Variants in ZMYM2 observed in about 807,000 individuals in gnomAD.
ZMYM2 encodes zinc finger MYM-type containing 2.
Under a neutral mutation model 162.8 loss-of-function variants are expected in ZMYM2, and 56 were observed. The observed-to-expected ratio is 0.34, with a 90% CI of 0.28 to 0.43. ZMYM2 has a LOEUF of 0.43. Ranked by LOEUF, ZMYM2 falls within the 20% of genes least tolerant of loss-of-function variation. The pLI, the probability that ZMYM2 is intolerant of heterozygous loss-of-function variation, is 1.00. For synonymous variants in ZMYM2, 510 were observed against 541.6 expected (o/e 0.94, Z 0.81); for missense variants, 1,275 against 1,621.8 (o/e 0.79, Z 3.67).
the ZMYM2 span, among the ~76,000 whole-genome samples, chr13:19,911,911 C>A: frequency 1.3e-5 from 2 of 152,194 alleles, no homozygotes; most frequent in Non-Finnish European, 2.9e-5. Flanking sequence ...GGATTAATAT[C>A]ACTGTCGAGA....
At chr13:19,980,842 C>A (rs1212873931) in intron 2 of ZMYM2, among the ~76,000 whole-genome samples, 1 of 141,664 alleles carries the variant, frequency 7.1e-6, no homozygotes, top group African/African-American at 2.6e-5. Flanking sequence ...ATTAAAAATT[C>A]TGTTAGTATT....
chr13:19,941,413 T>TG, the ZMYM2 span, among the ~76,000 whole-genome samples: 1 of 152,054 alleles, frequency 6.6e-6, no homozygotes, highest in African/African-American at 2.4e-5. Flanking sequence ...ATTCATTAAT[T>TG]GGGCAACACC....
the ZMYM2 span, among the ~76,000 whole-genome samples, chr13:19,952,038 C>T: frequency 2.6e-4 from 39 of 152,098 alleles, no homozygotes; most frequent in African/African-American, 8.2e-4. Context: ...ATATACACAA[C>T]GGAATATTAT....
At chr13:19,909,586 C>T in the ZMYM2 span, among the ~76,000 whole-genome samples, 3 of 151,972 alleles carry the variant, frequency 2.0e-5, no homozygotes, top group Non-Finnish European at 4.4e-5. Flanking sequence ...GCACGTGACA[C>T]CACACCTGGC....
At chr13:19,989,967 A>C (rs1949476632) in intron 2 of ZMYM2, among the ~76,000 whole-genome samples, 1 of 151,772 alleles carries the variant, frequency 6.6e-6, no homozygotes, top group Non-Finnish European at 1.5e-5. Context: ...TTTTTCAGCC[A>C]CTGTCATCTC....
intron 21 of ZMYM2, among the ~76,000 whole-genome samples, chr13:20,076,145 T>C (rs1225784289): frequency 6.6e-6 from 1 of 150,560 alleles, no homozygotes; most frequent in Non-Finnish European, 1.5e-5. Context: ...CTTCATCTAC[T>C]TCCCAGTAAA....
intron 7 of ZMYM2, chr13:20,026,307 T>G (rs1952574701): frequency 5.0e-6 from 1 of 199,802 alleles, no homozygotes; most frequent in African/African-American, 2.3e-5. Context: ...CAAAAAGCAC[T>G]GTGCCTTTCC....
At chr13:20,026,483 A>G in intron 7 of ZMYM2, 129 bp from the exon 8 acceptor site, 1 of 847,980 alleles carries the variant, frequency 1.2e-6, no homozygotes. Flanking sequence ...ATGAAGACTC[A>G]TGACTCTAAA....
At chr13:20,026,549 T>G in intron 7 of ZMYM2, 63 bp from the exon 8 acceptor site, 1 of 1,487,646 alleles carries the variant, frequency 6.7e-7, no homozygotes, top group Non-Finnish European at 9.0e-7. Flanking sequence ...AATGAAAAAT[T>G]GGTAATTCTT....
At chr13:20,006,710 G>C (rs148338518) in intron 6 of ZMYM2, 124 bp downstream of exon 6, 7 of 1,019,712 alleles carry the variant, frequency 6.9e-6, no homozygotes, top group East Asian at 5.2e-5. Flanking sequence ...TTCCATTATT[G>C]TTGTCATATC....
At chr13:19,986,467 C>A (rs1394260002) in intron 2 of ZMYM2, among the ~76,000 whole-genome samples, 1 of 151,826 alleles carries the variant, frequency 6.6e-6, no homozygotes, top group Non-Finnish European at 1.5e-5. Flanking sequence ...ATATAAACAT[C>A]ATTACTCTAA....
At chr13:19,960,365 A>G (rs1955069047) in intron 2 of ZMYM2, among the ~76,000 whole-genome samples, 1 of 152,208 alleles carries the variant, frequency 6.6e-6, no homozygotes, top group Admixed American at 6.5e-5. Context: ...AATTAAAGTT[A>G]TTTCTTGTTG....
At chr13:20,021,039 G>A (rs931672960) in intron 7 of ZMYM2, among the ~76,000 whole-genome samples, 6 of 151,136 alleles carry the variant, frequency 4.0e-5, no homozygotes, top group African/African-American at 1.5e-4. Flanking sequence ...GCAGTGGCGT[G>A]ATCTCTGCTC....
intron 9 of ZMYM2, among the ~76,000 whole-genome samples, chr13:20,030,027 T>TC (rs973747347): frequency 1.3e-5 from 2 of 152,026 alleles, no homozygotes; most frequent in Non-Finnish European, 2.9e-5. Context: ...ACTCCTGACT[T>TC]CCAGCGATCC....
At chr13:19,875,364 T>C in the ZMYM2 span, among the ~76,000 whole-genome samples, 1 of 152,050 alleles carries the variant, frequency 6.6e-6, no homozygotes, top group Non-Finnish European at 1.5e-5. Flanking sequence ...GCGCAGCGGC[T>C]CACACCTGTA....
chr13:19,972,072 CT>C (rs1286325904), intron 2 of ZMYM2, among the ~76,000 whole-genome samples: 1 of 152,108 alleles, frequency 6.6e-6, no homozygotes, highest in Non-Finnish European at 1.5e-5. Context: ...TTTCTTACCT[CT>C]AGAAATTCTA....
chr13:20,054,634 TA>T (rs1289361140), intron 14 of ZMYM2, among the ~76,000 whole-genome samples: 7 of 152,194 alleles, frequency 4.6e-5, no homozygotes, highest in Non-Finnish European at 8.8e-5. Flanking sequence ...GCCTATTGAC[TA>T]AAAAAGTAAA....
intron 19 of ZMYM2, 47 bp from the exon 20 acceptor site, chr13:20,066,804 A>G (rs1956714432): frequency 6.8e-7 from 1 of 1,469,284 alleles, no homozygotes; most frequent in Admixed American, 2.6e-5. Flanking sequence ...GTAATGAAAT[A>G]ATGTAGGCTT....
chr13:19,996,349 G>A (rs1159708679), intron 3 of ZMYM2, among the ~76,000 whole-genome samples: 1 of 152,136 alleles, frequency 6.6e-6, no homozygotes, highest in Non-Finnish European at 1.5e-5. Flanking sequence ...GGGAGACCAA[G>A]GCAGGAGGAT....
Sources: gnomAD v4.1 joint callset for allele counts (sites outside exome capture counted in the v4.1 genomes callset) on GRCh38, gnomAD v4.1.1 for gene constraint, MANE v1.5 for transcripts, NCBI Gene and HGNC (gene_info 2026-07-23, HGNC 2026-07-21) for gene names.